The following AAK1 variants were observed in gnomAD, a reference collection of about 807,000 sequenced individuals.
The protein encoded by AAK1 is AP2-associated protein kinase 1.
Under a neutral mutation model 116.0 loss-of-function variants are expected in AAK1, and 37 were observed. The observed-to-expected ratio is 0.32, with a 90% CI of 0.25 to 0.42. The LOEUF (loss-of-function observed/expected upper bound fraction) is 0.42, where lower values mean the gene tolerates loss of function less well. Ranked by LOEUF, AAK1 falls within the 10% of genes least tolerant of loss-of-function variation. AAK1 has a pLI of 1.00. For missense variants in AAK1, 919 were observed against 1,170.6 expected (o/e 0.79, Z 3.14); for synonymous variants, 458 against 439.9 (o/e 1.04, Z -0.51).
At position 69,485,851 on chromosome 2, in the gene AAK1, G is replaced by A. The variant is rs190744559; in HGVS notation, c.2366-3039C>T. Among the ~76,000 whole-genome samples, 94 of 152,014 alleles carry A rather than the reference G, an allele frequency of 6.2e-4. 1 individual carries two copies. Among genetic ancestry groups the A allele is most frequent in the Non-Finnish European group, 1.1e-3 (75 of 67,968 alleles). ...TTTTTGTATTTTTAGCAGAGATGGG[G>A]TTTCACTATGATGGCCAGGTTGGTC... is the stretch of plus-strand genomic sequence containing the variant. On this transcript the variant is annotated intron_variant, in intron 17 of 21. Coordinates refer to ENST00000409085, the MANE Select transcript of AAK1 (RefSeq NM_014911.5).
chr2:69,600,821 A>C (rs779606592), intron 2 of AAK1, among the ~76,000 whole-genome samples: 4 of 152,184 alleles, frequency 2.6e-5, no homozygotes, highest in Non-Finnish European at 5.9e-5. Context: ...TGAAAGGAAG[A>C]GTTAATGGAT....
chr2:69,643,432 C>T, intron 1 of AAK1, 143 bp downstream of exon 1: 1 of 1,188,196 alleles, frequency 8.4e-7, no homozygotes, highest in Non-Finnish European at 1.1e-6. Context: ...ACCCCGGCCC[C>T]AGAACCCGGG....
intron 2 of AAK1, among the ~76,000 whole-genome samples, chr2:69,585,514 G>A (rs1055893808): frequency 6.6e-6 from 1 of 152,136 alleles, no homozygotes; most frequent in African/African-American, 2.4e-5. Context: ...CAATGGGCTG[G>A]CCTAGGAGCT....
At chr2:69,632,520 C>A (rs937850110) in intron 2 of AAK1, among the ~76,000 whole-genome samples, 4 of 152,224 alleles carry the variant, frequency 2.6e-5, no homozygotes, top group Non-Finnish European at 4.4e-5. Flanking sequence ...TGGGAAGAGA[C>A]AGTAGTTGGG....
intron 21 of AAK1, among the ~76,000 whole-genome samples, chr2:69,476,583 C>A (rs950804886): frequency 3.3e-5 from 5 of 152,112 alleles, no homozygotes; most frequent in Non-Finnish European, 4.4e-5. Flanking sequence ...ATGTGATGTG[C>A]TTTTGATATA....
At chr2:69,575,002 C>T (rs148079523) in intron 2 of AAK1, among the ~76,000 whole-genome samples, 45 of 140,524 alleles carry the variant, frequency 3.2e-4, no homozygotes, top group African/African-American at 1.1e-3. Flanking sequence ...AATAAAAATA[C>T]GTATAGCAAA....
intron 17 of AAK1, among the ~76,000 whole-genome samples, chr2:69,489,555 G>T (rs1260428775): frequency 6.6e-6 from 1 of 152,058 alleles, no homozygotes; most frequent in Non-Finnish European, 1.5e-5. Context: ...TGAGCAGGAG[G>T]AGTAGAACGG....
intron 16 of AAK1, among the ~76,000 whole-genome samples, chr2:69,501,195 G>A (rs1211745019): frequency 2.0e-5 from 3 of 152,110 alleles, no homozygotes; most frequent in Admixed American, 1.3e-4. Flanking sequence ...ACTTCAAGCA[G>A]CATGAACTGG....
intron 14 of AAK1, among the ~76,000 whole-genome samples, chr2:69,508,403 T>C (rs948218269): frequency 6.6e-6 from 1 of 152,226 alleles, no homozygotes; most frequent in Non-Finnish European, 1.5e-5. Context: ...TCTTATAAAG[T>C]CTCTCTTAAC....
At chr2:69,481,724 C>T (rs970671550) in intron 18 of AAK1, 1 of 152,254 alleles carries the variant, frequency 6.6e-6, no homozygotes, top group African/African-American at 2.4e-5. Flanking sequence ...GACCAAGCCC[C>T]TGCCCTGGAT....
chr2:69,469,698 A>C lies in AAK1; in HGVS notation c.*6171T>G. 1 of 985,432 alleles carries C rather than the reference A, an allele frequency of 1.0e-6. No individual in the cohort carries two copies. The highest frequency in any genetic ancestry group is 1.2e-6 in the Non-Finnish European group (1 of 829,924). The allele number at this position is 985,432 out of a possible 1,614,324, so 61.0% of individuals were successfully genotyped here. A position where few individuals can be genotyped will look rare whatever the true frequency, so the allele number is the denominator to read the frequency against. On this transcript the variant is annotated 3_prime_UTR_variant, in exon 22 of 22. Transcript: ENST00000409085. ...AGGGTCTTACTTATCATAGAGCCTAACGTAGGGTTTTGTTATAATTCCCTC... is the reference window on the plus strand; with the variant it reads ...AGGGTCTTACTTATCATAGAGCCTACCGTAGGGTTTTGTTATAATTCCCTC...
At chr2:69,481,635 G>A (rs1675090568) in intron 18 of AAK1, 1 of 152,140 alleles carries the variant, frequency 6.6e-6, no homozygotes, top group Non-Finnish European at 1.5e-5. Flanking sequence ...GGACCCTCCT[G>A]GAGTACAGGG....
At chr2:69,489,462 A>C (rs1366604578) in intron 17 of AAK1, among the ~76,000 whole-genome samples, 1 of 151,754 alleles carries the variant, frequency 6.6e-6, no homozygotes, top group Non-Finnish European at 1.5e-5. Flanking sequence ...AAAAAAAAAA[A>C]AAAAAGAGGA....
At chr2:69,485,112 A>G (rs528419808) in intron 17 of AAK1, among the ~76,000 whole-genome samples, 62 of 152,180 alleles carry the variant, frequency 4.1e-4, no homozygotes, top group Non-Finnish European at 8.2e-4. Context: ...ATTGCTCCAA[A>G]CACTAGTTTT....
chr2:69,483,518 T>A (rs1002938768), intron 17 of AAK1, among the ~76,000 whole-genome samples: 79 of 152,338 alleles, frequency 5.2e-4, no homozygotes, highest in African/African-American at 1.8e-3. Context: ...CTGGTAAAAA[T>A]AAAGCTGCCA....
chr2:69,573,225 G>A (rs1177731144), intron 2 of AAK1, among the ~76,000 whole-genome samples: 1 of 152,172 alleles, frequency 6.6e-6, no homozygotes, highest in Non-Finnish European at 1.5e-5. Flanking sequence ...GAGAGGCCAC[G>A]AGGTCAGTGC....
At chr2:69,587,247 G>A (rs1202603004) in intron 2 of AAK1, among the ~76,000 whole-genome samples, 1 of 150,946 alleles carries the variant, frequency 6.6e-6, no homozygotes, top group Non-Finnish European at 1.5e-5. Flanking sequence ...ACCATGCTCA[G>A]CTTATATATA....
Position 69,530,778 on chromosome 2 carries a change from C to CT in AAK1, c.657-73dup, listed in dbSNP as rs1670222981. The stretch of plus-strand genomic sequence containing the variant: ...TTAAAAACCAGGAGCAGCAGAAATA[C>CT]TTTTTTTCTTTTTACATTAACAGAA... On this transcript the variant is annotated intron_variant, in intron 6 of 21. Coordinates refer to ENST00000409085, the MANE Select transcript of AAK1 (RefSeq NM_014911.5). 38 of 1,190,848 alleles carry CT rather than the reference C, an allele frequency of 3.2e-5. 2 individuals carry two copies. The South Asian group carries it at 4.0e-4, about 13-fold the overall frequency. 73.8% of individuals were successfully genotyped at this position (1,190,848 alleles called of 1,614,324 possible).
chr2:69,519,030 T>C lies in AAK1; in HGVS notation c.1421A>G (p.Gln474Arg). The C allele has an allele frequency of 7.7e-6, 12 of 1,550,366 alleles. No homozygotes were observed. The highest frequency in any genetic ancestry group is 1.0e-5 in the Non-Finnish European group (12 of 1,146,484). ...CTGTGCTGGCGGTGGCTGTTGCTGC[T>C]GCTGTTGCTGCTTGAGGAAGAGTTG... ...QQQLFLKQQQ[Q>R]QQQPPPAQQQ... Residue 474 changes from glutamine (Q) to arginine (R), a missense_variant, in exon 12 of 22, where the codon CAG becomes CGG. By Grantham distance (43) the Gln-to-Arg change is conservative (BLOSUM62 1). Coordinates refer to ENST00000409085, the MANE Select transcript of AAK1 (RefSeq NM_014911.5).
Sources: allele counts gnomAD v4.1 joint callset (sites outside exome capture counted in the v4.1 genomes callset), GRCh38; gene constraint gnomAD v4.1.1; transcripts MANE v1.5; gene names NCBI Gene and HGNC (gene_info 2026-07-23, HGNC 2026-07-21).